PPP2R5C: variants seen among roughly 807,000 people sequenced by gnomAD.
PPP2R5C encodes the protein protein phosphatase 2 regulatory subunit B'gamma.
PPP2R5C carries 7 observed loss-of-function variants against 68.9 expected under a neutral mutation model. The observed-to-expected ratio is 0.10, with a 90% CI of 0.06 to 0.19. PPP2R5C has a LOEUF of 0.19. PPP2R5C is among the 10% of genes least tolerant of loss of function. PPP2R5C has a pLI of 1.00. For synonymous variants in PPP2R5C, 210 were observed against 222.2 expected (o/e 0.95, Z 0.49); for missense variants, 348 against 641.3 (o/e 0.54, Z 4.94).
chr14:101,862,512 A>C (rs1410458905), intron 2 of PPP2R5C, among the ~76,000 whole-genome samples: 1 of 152,232 alleles, frequency 6.6e-6, no homozygotes, highest in South Asian at 2.1e-4. Context: ...GCACCCATGC[A>C]GGAGCTCACC....
intron 2 of PPP2R5C, among the ~76,000 whole-genome samples, chr14:101,784,499 G>C (rs2037990545): frequency 6.8e-6 from 1 of 147,408 alleles, no homozygotes; most frequent in Non-Finnish European, 1.5e-5. Context: ...CAGCAGGAGA[G>C]AGAGAGAAAG....
At chr14:101,775,002 G>A (rs2139993775) in intron 2 of PPP2R5C, among the ~76,000 whole-genome samples, 1 of 152,318 alleles carries the variant, frequency 6.6e-6, no homozygotes, top group Non-Finnish European at 1.5e-5. Context: ...AAATAACCAG[G>A]AGGCCAGATG....
At chr14:101,793,346 A>G (rs919015633) in intron 3 of PPP2R5C, among the ~76,000 whole-genome samples, 20 of 152,194 alleles carry the variant, frequency 1.3e-4, no homozygotes, top group African/African-American at 4.8e-4. Context: ...TCATATTGAT[A>G]TTTTAAATTT....
intron 1 of PPP2R5C, among the ~76,000 whole-genome samples, chr14:101,823,435 C>T (rs1026617765): frequency 3.9e-5 from 6 of 152,286 alleles, no homozygotes; most frequent in African/African-American, 1.2e-4. Flanking sequence ...AACAAGAATC[C>T]TAGAAGACCA....
chr14:101,921,169 G>A, intron 13 of PPP2R5C: 1 of 248,778 alleles, frequency 4.0e-6, no homozygotes, highest in South Asian at 3.1e-5. Context: ...CTGGACTCAA[G>A]CAATCCGCCC....
At chr14:101,768,351 T>C (rs1193234911) in intron 2 of PPP2R5C, among the ~76,000 whole-genome samples, 1 of 152,202 alleles carries the variant, frequency 6.6e-6, no homozygotes, top group Admixed American at 6.5e-5. Context: ...TCCTTTATAC[T>C]CTTCACAATT....
At chr14:101,785,693 A>T (rs1276972404) in intron 2 of PPP2R5C, among the ~76,000 whole-genome samples, 1 of 152,220 alleles carries the variant, frequency 6.6e-6, no homozygotes, top group Non-Finnish European at 1.5e-5. Flanking sequence ...GCAAGGTCCC[A>T]TATTCACCAG....
intron 3 of PPP2R5C, among the ~76,000 whole-genome samples, chr14:101,804,893 C>T (rs192421297): frequency 1.8e-4 from 28 of 152,166 alleles, no homozygotes; most frequent in African/African-American, 6.3e-4. Flanking sequence ...AAAGGATAAA[C>T]GCTTGAGGGG....
intron 2 of PPP2R5C, among the ~76,000 whole-genome samples, chr14:101,873,064 C>A (rs2043525080): frequency 6.6e-6 from 1 of 151,746 alleles, no homozygotes; most frequent in African/African-American, 2.4e-5. Flanking sequence ...ATTAAGTGAG[C>A]AAATTTACTT....
chr14:101,809,957 T>C, exon 1 of PPP2R5C: 2 of 1,613,888 alleles, frequency 1.2e-6, no homozygotes, highest in Non-Finnish European at 1.7e-6. Context: ...TGACATGTAA[T>C]AAAGCGGGCA....
intron 13 of PPP2R5C, 107 bp downstream of exon 15, chr14:101,918,054 A>G: frequency 6.8e-7 from 1 of 1,474,968 alleles, no homozygotes; most frequent in South Asian, 1.3e-5. Context: ...TTAAGCTGAA[A>G]TTAAAACTTA....
chr14:101,882,308 G>A lies in PPP2R5C; in HGVS notation c.405+37G>A. 6.6e-7 allele frequency: 1 copy of A among 1,507,238 alleles called. No homozygotes were observed. The highest frequency in any genetic ancestry group is 9.1e-7 in the Non-Finnish European group (1 of 1,097,528). The allele number at this position is 1,507,238 out of a possible 1,614,324, so 93.4% of individuals were successfully genotyped here. On this transcript the variant is annotated intron_variant, in intron 3 of 13. Coordinates refer to ENST00000334743, the Ensembl canonical transcript of PPP2R5C. This position sits in a 1 kb window ranked among gnomAD's most constrained non-coding sequence, Gnocchi z 4.9. ...TGGGTGATAGACTCGGAGGGCACTG[G>A]TGACACATGGGAATGGCCTGGGATC...
intron 1 of PPP2R5C, among the ~76,000 whole-genome samples, chr14:101,812,334 G>T (rs562823006): frequency 6.6e-6 from 1 of 152,300 alleles, no homozygotes; most frequent in East Asian, 1.9e-4. Flanking sequence ...GCCCGGGAGA[G>T]CAGGGGCTGG....
intron 2 of PPP2R5C, among the ~76,000 whole-genome samples, chr14:101,881,391 C>T (rs905521533): frequency 9.9e-5 from 15 of 152,080 alleles, no homozygotes; most frequent in African/African-American, 3.4e-4. Flanking sequence ...CAGAGGGAGA[C>T]GTCACCTCAA....
At position 101,844,288 on chromosome 14, in the gene PPP2R5C, G is replaced by T. The variant is rs143728125; in HGVS notation, c.95-12398G>T. Among the ~76,000 whole-genome samples the T allele has an allele frequency of 4.2e-3, 636 of 152,248 alleles. 5 individuals are homozygous for T. Among genetic ancestry groups the T allele is most frequent in the African/African-American group, 0.015 (607 of 41,548 alleles). Reference sequence around the variant, plus strand: ...AGTTCGAGGAGGCTGGCAGCTTGCGGGAGGGGCCGGAGCGGTCTGGCACTG... The same window carrying T: ...AGTTCGAGGAGGCTGGCAGCTTGCGTGAGGGGCCGGAGCGGTCTGGCACTG... On this transcript the variant is annotated intron_variant, in intron 1 of 13. Transcript: ENST00000334743.
chr14:101,773,669 G>C (rs147279967), intron 2 of PPP2R5C, among the ~76,000 whole-genome samples: 33 of 152,216 alleles, frequency 2.2e-4, no homozygotes, highest in African/African-American at 7.2e-4. Flanking sequence ...CAGGGTTTTG[G>C]GATTTTGGCA....
rs1595525018 is a variant in PPP2R5C, at chr14:101,906,317, A to T, written c.1024-85A>T. On this transcript the variant is annotated intron_variant, in intron 9 of 13. Transcript: ENST00000334743. The surrounding 1 kb of genome is among the most constrained non-coding windows in gnomAD (Gnocchi z 4.0). ...ATTTTCTGGTCCAAGGTAGTTCATTACCCGACTCACAGGTTTAACAGCAAG... is the reference window on the plus strand; with the variant it reads ...ATTTTCTGGTCCAAGGTAGTTCATTTCCCGACTCACAGGTTTAACAGCAAG... 3 of 1,408,538 alleles carry T rather than the reference A, an allele frequency of 2.1e-6. No individual in the cohort carries two copies. The highest frequency in any genetic ancestry group is 2.5e-5 in the Admixed American group (1 of 40,000). The allele number at this position is 1,408,538 out of a possible 1,614,324, so 87.3% of individuals were successfully genotyped here.
At chr14:101,823,760 C>T (rs2040229221) in intron 1 of PPP2R5C, 12 of 1,087,898 alleles carry the variant, frequency 1.1e-5, no homozygotes, top group Non-Finnish European at 1.4e-5. Context: ...CTGGGCTCAC[C>T]CCTCTCTGAG....
intron 2 of PPP2R5C, among the ~76,000 whole-genome samples, chr14:101,875,030 G>A (rs948265367): frequency 2.0e-5 from 3 of 152,184 alleles, no homozygotes; most frequent in Admixed American, 6.5e-5. Context: ...GTGAGCCACC[G>A]CGCCTAGCCC....
Sources: gnomAD v4.1 joint callset for allele counts (sites outside exome capture counted in the v4.1 genomes callset) on GRCh38, gnomAD v4.1.1 for gene constraint, Gnocchi (gnomAD v3.1) non-coding constraint, MANE v1.5 for transcripts, NCBI Gene and HGNC (gene_info 2026-07-23, HGNC 2026-07-21) for gene names.